Variants in ACTA2 observed in about 807,000 individuals in gnomAD.
ACTA2 encodes the protein actin, aortic smooth muscle.
Under a neutral mutation model 39.5 loss-of-function variants are expected in ACTA2, and 12 were observed. The ratio of observed to expected loss-of-function variants is 0.30; its 90% CI spans 0.19 to 0.49. ACTA2 has a LOEUF of 0.49. Among genes scored for constraint, ACTA2 ranks in the 20% least tolerant of loss-of-function variants. The pLI is 0.99. For missense variants in ACTA2, 236 were observed against 498.8 expected (o/e 0.47, Z 5.02); for synonymous variants, 158 against 180.6 (o/e 0.88, Z 1.00).
In ACTA2 at chr10:88,941,165, T is replaced by C; in HGVS notation, c.616+64A>G. 1.9e-6 allele frequency: 3 copies of C among 1,600,838 alleles called. No individual in the cohort carries two copies. The South Asian group carries it at 3.3e-5, about 18-fold the overall frequency. Reference sequence around the variant, plus strand: ...CCATCATCTCCTTGGATAGTGAGGATGGTCCTGGAAGTTACTGAGCAACAC... The same window carrying C: ...CCATCATCTCCTTGGATAGTGAGGACGGTCCTGGAAGTTACTGAGCAACAC... On this transcript the variant is annotated intron_variant, in intron 6 of 8. Transcript: ENST00000224784.
In ACTA2 at chr10:88,988,785, G is replaced by C. The variant is rs1589435942; in HGVS notation, c.-24+2154C>G. On this transcript the variant is annotated intron_variant, in intron 1 of 4. Coordinates refer to the ACTA2 transcript ENST00000415557. ...AAGGATTCCAAAGGCAAAGAAGTTTGGGGAACAGTATATATAATTACCCAA... is the reference window on the plus strand; with the variant it reads ...AAGGATTCCAAAGGCAAAGAAGTTTCGGGAACAGTATATATAATTACCCAA... Among the ~76,000 whole-genome samples, 13 of 152,262 alleles carry C rather than the reference G, an allele frequency of 8.5e-5. No homozygotes were observed. In the South Asian group the frequency reaches 2.7e-3, roughly 32 times the overall value.
rs1414729213 is a variant in ACTA2, at chr10:88,947,398, C to T, written c.130-12G>A. ...CCCACCATCACCCCCTAAAAAGGTT[C>T]AACACATTATGAGTCAGCATCTCCC... is the stretch of plus-strand genomic sequence containing the variant. On this transcript the variant is annotated splice_polypyrimidine_tract_variant and intron_variant, in intron 2 of 8. Coordinates refer to ENST00000224784, the MANE Select transcript of ACTA2 (RefSeq NM_001613.4). 12 of 1,613,692 alleles carry T rather than the reference C, an allele frequency of 7.4e-6. No homozygotes were observed. Among genetic ancestry groups the T allele is most frequent in the Non-Finnish European group, 8.5e-6 (10 of 1,179,786 alleles).
chr10:88,941,034 TCTC>T lies in ACTA2; in HGVS notation c.616+192_616+194del, dbSNP rs139391282. ...CATAACACTGGGTGTCTATAACTGT[TCTC>T]CTCAAGGAAATAGTGTAATCATTTT... On this transcript the variant is annotated intron_variant, in intron 6 of 8. Transcript: ENST00000224784. 16,477 of 665,442 alleles carry T rather than the reference TCTC, an allele frequency of 0.025. 360 individuals are homozygous for T. Among genetic ancestry groups the T allele is most frequent in the South Asian group, 0.08 (4,850 of 60,282 alleles). 41.2% of individuals were successfully genotyped at this position (665,442 alleles called of 1,614,324 possible). A position where few individuals can be genotyped will look rare whatever the true frequency, so the allele number is the denominator to read the frequency against.
chr10:88,952,978 G>C (rs1278545472), upstream of ACTA2, among the ~76,000 whole-genome samples: 2 of 152,268 alleles, frequency 1.3e-5, no homozygotes, highest in African/African-American at 4.8e-5. Context: ...CATGAAACGG[G>C]AGGCGGTTCA....
chr10:88,962,774 CT>C, intron 1 of ACTA2, among the ~76,000 whole-genome samples: 1 of 151,376 alleles, frequency 6.6e-6, no homozygotes, highest in African/African-American at 2.4e-5. Flanking sequence ...GACTGGGTAA[CT>C]TATAAAGGAA....
chr10:88,991,002 GC>G, exon 1 of ACTA2: 1 of 1,557,912 alleles, frequency 6.4e-7, no homozygotes, highest in Non-Finnish European at 8.8e-7. Context: ...GATTGCGGCG[GC>G]AGCGGCGCAC....
intron 1 of ACTA2, among the ~76,000 whole-genome samples, chr10:88,960,414 C>T (rs1033303544): frequency 5.9e-5 from 9 of 152,132 alleles, no homozygotes; most frequent in Non-Finnish European, 1.0e-4. Flanking sequence ...AACCAGATCA[C>T]TGCTCCTCTA....
At position 88,935,079 on chromosome 10, in the gene ACTA2, A is replaced by C. The variant is rs1466138578; in HGVS notation, c.*144T>G. On this transcript the variant is annotated 3_prime_UTR_variant, in exon 9 of 9. Transcript: ENST00000224784. ...TCGGAGGCCAACGCAAGAAGTTACC[A>C]GTAGCCTATTTCAGATTTATTAAAA... 1.7e-6 allele frequency: 2 copies of C among 1,195,020 alleles called. No individual in the cohort carries two copies. Among genetic ancestry groups the C allele is most frequent in the Non-Finnish European group, 2.4e-6 (2 of 834,162 alleles). The allele number at this position is 1,195,020 out of a possible 1,614,324, so 74.0% of individuals were successfully genotyped here.
Position 88,947,269 on chromosome 10 carries a change from C to T in ACTA2, c.247G>A (p.Asp83Asn), listed in dbSNP as rs794728023. 1.2e-6 allele frequency: 2 copies of T among 1,613,804 alleles called. No homozygotes were observed. Among genetic ancestry groups the T allele is most frequent in the Non-Finnish European group, 1.7e-6 (2 of 1,179,884 alleles). ...CAAACCTCCCATACCTTTTCCATGTCGTCCCAGTTGGTGATGATGCCATGT... is the reference window on the plus strand; with the variant it reads ...CAAACCTCCCATACCTTTTCCATGTTGTCCCAGTTGGTGATGATGCCATGT... Reference protein sequence around the residue: ...IEHGIITNWDDMEKIWHHSFY... With the variant: ...IEHGIITNWDNMEKIWHHSFY... The change falls in exon 3 of 9, where the codon GAC becomes AAC. Residue 83 changes from aspartate (D) to asparagine (N), a missense_variant. Transcript: ENST00000224784.
At chr10:88,935,412 T>G (rs1845716592) in intron 8 of ACTA2, 46 bp from the exon 9 acceptor site, 9 of 1,608,592 alleles carry the variant, frequency 5.6e-6, no homozygotes, top group Non-Finnish European at 7.7e-6. Context: ...TCATCATTAG[T>G]GCAGTCGTTA....
At chr10:88,948,724 T>G (rs1180356466) in intron 2 of ACTA2, 78 bp downstream of exon 2, 16 of 1,596,848 alleles carry the variant, frequency 1.0e-5, no homozygotes, top group Non-Finnish European at 1.4e-5. Flanking sequence ...CAGAAAGAGA[T>G]AGACAATCTG....
intron 1 of ACTA2, among the ~76,000 whole-genome samples, chr10:88,965,615 G>A (rs1381897109): frequency 6.6e-6 from 1 of 151,958 alleles, no homozygotes; most frequent in Non-Finnish European, 1.5e-5. Flanking sequence ...CAGAACAGAG[G>A]TCCTCGGGCA....
intron 1 of ACTA2, among the ~76,000 whole-genome samples, chr10:88,969,458 A>G (rs1442168028): frequency 6.6e-6 from 1 of 152,170 alleles, no homozygotes. Context: ...GCATGCCCCC[A>G]TTGGCATAGT....
upstream of ACTA2, among the ~76,000 whole-genome samples, chr10:88,955,949 C>G (rs776490516): frequency 1.4e-4 from 22 of 152,150 alleles, no homozygotes; most frequent in Admixed American, 6.5e-5. Flanking sequence ...TGCCTTATCA[C>G]AAGGTGGCAA....
Position 88,935,212 on chromosome 10 carries a change from A to G in ACTA2, c.*11T>C. 1.9e-6 allele frequency: 3 copies of G among 1,612,558 alleles called. No homozygotes were observed. Among genetic ancestry groups the G allele is most frequent in the Non-Finnish European group, 2.5e-6 (3 of 1,179,648 alleles). On this transcript the variant is annotated 3_prime_UTR_variant, in exon 9 of 9. Transcript: ENST00000224784. The stretch of plus-strand genomic sequence containing the variant: ...TTGTGTGCTAGAGACAGAGAGGAGC[A>G]GGAAAGTGTTTTAGAAGCATTTGCG...
chr10:88,969,725 C>T (rs1004398024), intron 1 of ACTA2, among the ~76,000 whole-genome samples: 1 of 152,186 alleles, frequency 6.6e-6, no homozygotes, highest in Non-Finnish European at 1.5e-5. Context: ...ATCTTTCCTT[C>T]ATAGTACTTA....
At position 88,951,144 on chromosome 10, in the gene ACTA2, A is replaced by C. The variant is rs370252389; in HGVS notation, c.-24+1587T>G. Among the ~76,000 whole-genome samples the C allele has an allele frequency of 5.1e-4, 78 of 152,106 alleles. 1 individual carries two copies. The highest frequency in any genetic ancestry group is 1.5e-3 in the African/African-American group (64 of 41,502). On this transcript the variant is annotated intron_variant, in intron 1 of 8. Coordinates refer to ENST00000224784, the MANE Select transcript of ACTA2 (RefSeq NM_001613.4). Reference sequence around the variant, plus strand: ...ATTCCTGTGATTTGGCTTCCCTCAGAGCAGATTAAGAAGCTTTAGAAAAGA... The same window carrying C: ...ATTCCTGTGATTTGGCTTCCCTCAGCGCAGATTAAGAAGCTTTAGAAAAGA...
intron 2 of ACTA2, 128 bp downstream of exon 2, chr10:88,948,674 A>T: frequency 7.7e-7 from 1 of 1,293,002 alleles, no homozygotes; most frequent in South Asian, 1.2e-5. Flanking sequence ...GACCTTAATC[A>T]TTAGAGGTCT....
chr10:88,949,754 C>T (rs1201943014), intron 1 of ACTA2, among the ~76,000 whole-genome samples: 3 of 152,090 alleles, frequency 2.0e-5, no homozygotes, highest in Non-Finnish European at 4.4e-5. Flanking sequence ...GAAAAAGTAA[C>T]ATTGTAAATC....
Sources: gnomAD v4.1 joint callset for allele counts (sites outside exome capture counted in the v4.1 genomes callset) on GRCh38, gnomAD v4.1.1 for gene constraint, MANE v1.5 for transcripts, NCBI Gene and HGNC (gene_info 2026-07-23, HGNC 2026-07-21) for gene names.